Variants in MAF observed in about 807,000 individuals in gnomAD.
MAF encodes transcription factor Maf.
Under a neutral mutation model 22.0 loss-of-function variants are expected in MAF, and 10 were observed. The observed-to-expected ratio is 0.45, with a 90% confidence interval of 0.28 to 0.77. The LOEUF is 0.77. MAF is among the 30% of genes least tolerant of loss of function. The pLI, the probability that MAF is intolerant of heterozygous loss-of-function variation, is 0.12. For synonymous variants in MAF, 337 were observed against 255.8 expected, an observed-to-expected ratio of 1.32 and a Z score of -3.03; for missense variants, 544 against 548.4, an observed-to-expected ratio of 0.99 and a Z score of 0.08.
chr16:79,266,542 G>C, the MAF span, among the ~76,000 whole-genome samples: 92 of 152,246 alleles, frequency 6.0e-4, no homozygotes, highest in African/African-American at 2.2e-3. Context: ...TGGAACACTT[G>C]GACTGGGTTG....
the MAF span, among the ~76,000 whole-genome samples, chr16:79,335,265 G>T: frequency 6.6e-6 from 1 of 151,866 alleles, no homozygotes; most frequent in Non-Finnish European, 1.5e-5. Context: ...GTTGGAGAAG[G>T]GGTGATTTTT....
chr16:79,216,213 C>T, the MAF span, among the ~76,000 whole-genome samples: 19 of 152,054 alleles, frequency 1.2e-4, no homozygotes, highest in East Asian at 3.9e-4. Context: ...TATATGTATA[C>T]GTGTCATGTG....
chr16:79,446,865 A>G, the MAF span, among the ~76,000 whole-genome samples: 2 of 152,226 alleles, frequency 1.3e-5, no homozygotes, highest in East Asian at 1.9e-4. Flanking sequence ...GCAGTGAGCT[A>G]TGATCGTGCC....
chr16:79,599,525 G>C lies in MAF; in HGVS notation c.378C>G (p.Gly126=), dbSNP rs1382476167. ...ALISNSHQLQ[G]GFDGYARGAQ... is the part of the protein sequence containing the mutation. ...CCCCGCGCGCGTAGCCATCGAAGCC[G>C]CCCTGGAGCTGGTGGCTGTTGCTGA... The change falls in exon 1 of 2, where the codon GGC becomes GGG. Residue 126 remains glycine (G), a synonymous_variant. Transcript: ENST00000326043. 1 of 1,549,926 alleles carries C rather than the reference G, an allele frequency of 6.5e-7. No individual in the cohort carries two copies. Among genetic ancestry groups the C allele is most frequent in the Admixed American group, 2.0e-5 (1 of 51,178 alleles).
the MAF span, among the ~76,000 whole-genome samples, chr16:79,235,919 G>A: frequency 2.6e-5 from 4 of 152,092 alleles, no homozygotes; most frequent in Admixed American, 6.6e-5. Flanking sequence ...CTCACTGCAA[G>A]CCAAGCCGCC....
chr16:79,244,447 T>A, the MAF span, among the ~76,000 whole-genome samples: 1 of 151,990 alleles, frequency 6.6e-6, no homozygotes, highest in African/African-American at 2.4e-5. Context: ...GCCAAATCAT[T>A]AGTGAACTCC....
chr16:79,384,413 C>A, the MAF span, among the ~76,000 whole-genome samples: 1 of 144,740 alleles, frequency 6.9e-6, no homozygotes, highest in Non-Finnish European at 1.5e-5. Context: ...CTACTGTATC[C>A]CAGCCTGGGC....
At chr16:79,336,320 T>C in the MAF span, among the ~76,000 whole-genome samples, 9 of 152,346 alleles carry the variant, frequency 5.9e-5, no homozygotes, top group Non-Finnish European at 1.3e-4. Flanking sequence ...CATCCTCATT[T>C]TGTAAAGGAG....
chr16:79,211,816 G>GGC, the MAF span: 1 of 1,613,634 alleles, frequency 6.2e-7, no homozygotes, highest in Non-Finnish European at 8.5e-7. Context: ...AGAGCGGATG[G>GGC]GCACACACAC....
the MAF span, among the ~76,000 whole-genome samples, chr16:79,256,223 C>T: frequency 8.4e-3 from 1,277 of 151,704 alleles, 7 homozygotes; most frequent in Non-Finnish European, 0.013. Flanking sequence ...CTCCTGACCT[C>T]GTGATCCGCC....
At chr16:79,512,547 C>T in the MAF span, among the ~76,000 whole-genome samples, 3 of 152,144 alleles carry the variant, frequency 2.0e-5, no homozygotes, top group Admixed American at 1.3e-4. Flanking sequence ...ACCCCCAGCT[C>T]ACCATCTGAG....
chr16:79,307,178 G>A, the MAF span, among the ~76,000 whole-genome samples: 1 of 152,216 alleles, frequency 6.6e-6, no homozygotes, highest in Non-Finnish European at 1.5e-5. Flanking sequence ...CGGGAGGTTT[G>A]AGATGAATCT....
At chr16:79,421,581 G>C in the MAF span, among the ~76,000 whole-genome samples, 1 of 151,850 alleles carries the variant, frequency 6.6e-6, no homozygotes, top group African/African-American at 2.4e-5. Context: ...GAAGATGATA[G>C]ACATTCTAAA....
chr16:79,274,882 A>G, the MAF span, among the ~76,000 whole-genome samples: 2 of 152,228 alleles, frequency 1.3e-5, no homozygotes, highest in African/African-American at 4.8e-5. Flanking sequence ...TTTGGCATCC[A>G]GTTAGGATTC....
the MAF span, among the ~76,000 whole-genome samples, chr16:79,569,360 C>G: frequency 1.2e-4 from 18 of 152,218 alleles, no homozygotes; most frequent in African/African-American, 4.3e-4. Flanking sequence ...CAGTTGAGAC[C>G]CATTGCTTTA....
chr16:79,423,256 A>T, the MAF span, among the ~76,000 whole-genome samples: 5 of 152,176 alleles, frequency 3.3e-5, no homozygotes, highest in African/African-American at 1.2e-4. Flanking sequence ...TCATTTGCTA[A>T]ATCTGGTGAA....
chr16:79,368,239 A>G, the MAF span, among the ~76,000 whole-genome samples: 2 of 152,138 alleles, frequency 1.3e-5, no homozygotes, highest in African/African-American at 4.8e-5. Flanking sequence ...ATATCCTTAC[A>G]TAAAAGCTCC....
chr16:79,389,636 A>T, the MAF span, among the ~76,000 whole-genome samples: 1 of 152,044 alleles, frequency 6.6e-6, no homozygotes, highest in African/African-American at 2.4e-5. Flanking sequence ...TAAGTTTGGG[A>T]AAACAGGATG....
At chr16:79,391,885 AGG>A in the MAF span, among the ~76,000 whole-genome samples, 3 of 129,940 alleles carry the variant, frequency 2.3e-5, no homozygotes, top group Non-Finnish European at 3.6e-5. Flanking sequence ...GAGGAGGAGG[AGG>A]AGGAGGAGGA....
Sources: gnomAD v4.1 joint callset for allele counts (sites outside exome capture counted in the v4.1 genomes callset) on GRCh38, gnomAD v4.1.1 for gene constraint, MANE v1.5 for transcripts, NCBI Gene and HGNC (gene_info 2026-07-23, HGNC 2026-07-21) for gene names.